Variants in ANO3 observed in about 807,000 individuals in gnomAD.
ANO3 encodes the protein anoctamin-3.
Under a neutral mutation model 144.8 loss-of-function variants are expected in ANO3, and 99 were observed. The observed-to-expected ratio is 0.68, with a 90% CI of 0.58 to 0.81. The LOEUF is 0.81. Ranked by LOEUF, ANO3 falls within the 30% of genes least tolerant of loss-of-function variation. ANO3 has a pLI of 0.00. For synonymous variants in ANO3, 414 were observed against 392.6 expected (o/e 1.05, Z -0.64); for missense variants, 905 against 1,202.2 (o/e 0.75, Z 3.66).
intron 23 of ANO3, among the ~76,000 whole-genome samples, chr11:26,645,248 A>G (rs1388643268): frequency 6.6e-6 from 1 of 151,684 alleles, no homozygotes; most frequent in African/African-American, 2.4e-5. Context: ...TGCTTAATCA[A>G]TTTTTCCAAA....
At chr11:26,346,884 T>G (rs1564975748) in intron 1 of ANO3, among the ~76,000 whole-genome samples, 1 of 152,180 alleles carries the variant, frequency 6.6e-6, no homozygotes, top group Non-Finnish European at 1.5e-5. Context: ...TCAAAAAAAG[T>G]GCTCTAGTGG....
chr11:26,278,293 C>T (rs187963888), intron 1 of ANO3, among the ~76,000 whole-genome samples: 6 of 152,260 alleles, frequency 3.9e-5, no homozygotes, highest in Admixed American at 3.9e-4. Context: ...CTTTTCCACC[C>T]ACCTATTAAT....
At chr11:26,357,603 G>A (rs954816408) in intron 1 of ANO3, among the ~76,000 whole-genome samples, 3 of 151,786 alleles carry the variant, frequency 2.0e-5, no homozygotes, top group East Asian at 3.9e-4. Context: ...TGTTCACCAG[G>A]TATAAGATTT....
At chr11:26,364,891 A>G (rs1215300424) in intron 1 of ANO3, among the ~76,000 whole-genome samples, 1 of 152,218 alleles carries the variant, frequency 6.6e-6, no homozygotes, top group Non-Finnish European at 1.5e-5. Flanking sequence ...ATTGCGAAAT[A>G]CAATCATGCC....
chr11:26,260,486 G>T (rs1461395), intron 1 of ANO3, among the ~76,000 whole-genome samples: 3 of 152,076 alleles, frequency 2.0e-5, no homozygotes, highest in Non-Finnish European at 4.4e-5. Context: ...GACAATAAGC[G>T]AACAGAATCT....
At chr11:26,189,414 G>A (rs1851433898) in intron 1 of ANO3, 1 of 804,026 alleles carries the variant, frequency 1.2e-6, no homozygotes, top group Non-Finnish European at 1.5e-6. Context: ...ATAAATAAAT[G>A]TTGATGTCAT....
Position 26,612,530 on chromosome 11 carries a change from A to G in ANO3, c.1837-11932A>G, listed in dbSNP as rs190984435. Among the ~76,000 whole-genome samples the G allele has an allele frequency of 4.9e-4, 74 of 150,566 alleles. No individual in the cohort carries two copies. In the East Asian group the frequency reaches 0.011, roughly 22 times the overall value. On this transcript the variant is annotated intron_variant, in intron 17 of 26. Transcript: ENST00000256737. Reference sequence around the variant, plus strand: ...TTTCATACTAGATGATTGAAAGTTTACATAGCACCGTTATTTCAATAGATT... The same window carrying G: ...TTTCATACTAGATGATTGAAAGTTTGCATAGCACCGTTATTTCAATAGATT...
intron 1 of ANO3, among the ~76,000 whole-genome samples, chr11:26,338,610 C>G (rs1271647245): frequency 6.6e-6 from 1 of 152,194 alleles, no homozygotes; most frequent in East Asian, 1.9e-4. Flanking sequence ...GCTGCTCAGT[C>G]TTTGGGTCCG....
At chr11:26,231,162 C>T (rs1852389917) in intron 1 of ANO3, among the ~76,000 whole-genome samples, 1 of 152,126 alleles carries the variant, frequency 6.6e-6, no homozygotes, top group Non-Finnish European at 1.5e-5. Flanking sequence ...CAAGCGTGAG[C>T]CACCACGCTC....
At chr11:26,514,950 G>A (rs1246766428) in intron 5 of ANO3, among the ~76,000 whole-genome samples, 1 of 152,012 alleles carries the variant, frequency 6.6e-6, no homozygotes, top group Non-Finnish European at 1.5e-5. Context: ...TCTCTGATCA[G>A]TGACAGATTT....
chr11:26,420,885 T>C (rs1857732347), intron 1 of ANO3, among the ~76,000 whole-genome samples: 1 of 152,052 alleles, frequency 6.6e-6, no homozygotes, highest in South Asian at 2.1e-4. Flanking sequence ...TTTTTAAAAA[T>C]GAGAGTAGAT....
chr11:26,574,930 G>A (rs545732392), intron 14 of ANO3, among the ~76,000 whole-genome samples: 1 of 151,964 alleles, frequency 6.6e-6, no homozygotes, highest in Admixed American at 6.6e-5. Context: ...ATACATAAAT[G>A]GTGAGCTAAA....
At chr11:26,632,255 T>C (rs1434688457) in intron 18 of ANO3, among the ~76,000 whole-genome samples, 1 of 150,186 alleles carries the variant, frequency 6.7e-6, no homozygotes, top group African/African-American at 2.5e-5. Flanking sequence ...TTTAAAAATA[T>C]GTACAAACCA....
At chr11:26,406,413 A>G (rs1296760567) in intron 1 of ANO3, among the ~76,000 whole-genome samples, 1 of 151,824 alleles carries the variant, frequency 6.6e-6, no homozygotes, top group African/African-American at 2.4e-5. Context: ...CATCATTCAA[A>G]CCATAGCAAC....
upstream of ANO3, among the ~76,000 whole-genome samples, chr11:26,307,720 T>TAAATAATAGGG (rs1306216947): frequency 9.1e-5 from 4 of 44,074 alleles, no homozygotes; most frequent in Non-Finnish European, 2.0e-4. Flanking sequence ...ACTCCGTCTC[T>TAAATAATAGGG]AAATAATAAT....
At chr11:26,288,620 C>A (rs1246821313) in intron 1 of ANO3, among the ~76,000 whole-genome samples, 1 of 152,076 alleles carries the variant, frequency 6.6e-6, no homozygotes, top group Non-Finnish European at 1.5e-5. Flanking sequence ...AATTTCAGAT[C>A]CATTTCACTG....
In ANO3 at chr11:26,647,823, G is replaced by A; in HGVS notation, c.2543G>A (p.Gly848Asp). The A allele has an allele frequency of 6.2e-7, 1 of 1,612,954 alleles. No homozygotes were observed. Among genetic ancestry groups the A allele is most frequent in the South Asian group, 1.1e-5 (1 of 90,828 alleles). ...CGTTTTGTTTATGAATACAAATATG[G>A]CCCCTGTGCAAATCATGTAGAACCA... The part of the protein sequence containing the change: ...IPRFVYEYKY[G>D]PCANHVEPSE... The change falls in exon 24 of 27, where the codon GGC (glycine) becomes GAC (aspartate). Residue 848 changes from glycine to aspartate, a missense_variant. Around this residue, in one of 4 missense-constraint regions of ANO3, gnomAD observed 597 missense variants for 865.1 expected, o/e 0.69. Transcript: ENST00000256737.
intron 1 of ANO3, among the ~76,000 whole-genome samples, chr11:26,294,507 T>C (rs1241509143): frequency 6.6e-6 from 1 of 152,226 alleles, no homozygotes; most frequent in Non-Finnish European, 1.5e-5. Context: ...ACAATAGCAC[T>C]ATTCTAGATA....
At chr11:26,411,675 C>G (rs1165250697) in intron 1 of ANO3, among the ~76,000 whole-genome samples, 2 of 151,932 alleles carry the variant, frequency 1.3e-5, no homozygotes, top group Non-Finnish European at 2.9e-5. Flanking sequence ...ACTCACCACA[C>G]TTTCCGTGAG....
Sources: gnomAD v4.1 joint callset for allele counts (sites outside exome capture counted in the v4.1 genomes callset) on GRCh38, gnomAD v4.1.1 for gene constraint, gnomAD v4.1.1 regional missense constraint, MANE v1.5 for transcripts, NCBI Gene and HGNC (gene_info 2026-07-23, HGNC 2026-07-21) for gene names.